SRGAP3: variants seen among roughly 807,000 people sequenced by gnomAD.
SRGAP3 encodes the protein SLIT-ROBO Rho GTPase activating protein 3.
SRGAP3 carries 39 observed loss-of-function variants against 121.1 expected under a neutral mutation model. The observed-to-expected ratio is 0.32, with a 90% CI of 0.25 to 0.42. The LOEUF is 0.42. SRGAP3 is among the 10% of genes least tolerant of loss of function. SRGAP3 has a pLI of 1.00. For missense variants in SRGAP3, 1,213 were observed against 1,470.6 expected (o/e 0.82, Z 2.86); for synonymous variants, 601 against 570.0 (o/e 1.05, Z -0.77).
chr3:9,121,649 T>C (rs116183036), intron 2 of SRGAP3, among the ~76,000 whole-genome samples: 2,950 of 152,314 alleles, frequency 0.019, 46 homozygotes, highest in Non-Finnish European at 0.03. Context: ...CCTCAGTTAA[T>C]GAACCCATGA....
chr3:9,172,468 C>T (rs1446677995), intron 1 of SRGAP3, among the ~76,000 whole-genome samples: 1 of 152,186 alleles, frequency 6.6e-6, no homozygotes, highest in African/African-American at 2.4e-5. Context: ...TCACATTCAC[C>T]TGTACAGGGG....
intron 3 of SRGAP3, among the ~76,000 whole-genome samples, chr3:9,259,427 ACTGAAACACCAGGTGTGAC>A (rs778141099): frequency 5.9e-5 from 9 of 152,032 alleles, no homozygotes; most frequent in Non-Finnish European, 8.8e-5. Flanking sequence ...TACAGATCAT[ACTGAAACACCAGGTGTGAC>A]CTGAAACACC....
In SRGAP3 at chr3:8,981,123, C is replaced by G. The variant is rs1340397438; in HGVS notation, c.*4396G>C. 1 of 233,164 alleles carries G rather than the reference C, an allele frequency of 4.3e-6. No individual in the cohort carries two copies. Among genetic ancestry groups the G allele is most frequent in the African/African-American group, 2.2e-5 (1 of 45,346 alleles). The allele number at this position is 233,164 out of a possible 1,614,324, so 14.4% of individuals were successfully genotyped here. A position where few individuals can be genotyped will look rare whatever the true frequency, so the allele number is the denominator to read the frequency against. On this transcript the variant is annotated 3_prime_UTR_variant, in exon 22 of 22. Transcript: ENST00000383836. ...ACTGGCAGATCAATCTCAGGGAGGTCAGGAGGGCTTGGACCTGACAGCAAA... is the reference window on the plus strand; with the variant it reads ...ACTGGCAGATCAATCTCAGGGAGGTGAGGAGGGCTTGGACCTGACAGCAAA...
At chr3:8,992,717 G>A in intron 20 of SRGAP3, 189 bp downstream of exon 20, 1 of 870,396 alleles carries the variant, frequency 1.1e-6, no homozygotes, top group Non-Finnish European at 1.9e-6. Flanking sequence ...CTGCAACACA[G>A]GCTGGATGGT....
Position 9,099,472 on chromosome 3 carries a change from C to T in SRGAP3, c.423+5208G>A, listed in dbSNP as rs114854782. 4.2e-3 allele frequency among the ~76,000 whole-genome samples: 641 copies of T among 152,304 alleles called. 1 individual carries two copies. The highest frequency in any genetic ancestry group is 6.5e-3 in the Non-Finnish European group (443 of 68,026). On this transcript the variant is annotated intron_variant, in intron 3 of 21. Transcript: ENST00000383836. ...GGGCTTCAATACCCAGTTTCAGAAA[C>T]GGTTAGCGGGGAGCAGGAGAGCAAG...
chr3:9,239,351 G>C lies in SRGAP3; in HGVS notation c.67+9534C>G, dbSNP rs1953542819. Among the ~76,000 whole-genome samples the C allele has an allele frequency of 6.6e-6, 1 of 152,236 alleles. No homozygotes were observed. Among genetic ancestry groups the C allele is most frequent in the Non-Finnish European group, 1.5e-5 (1 of 68,042 alleles). On this transcript the variant is annotated intron_variant, in intron 1 of 21. Coordinates refer to ENST00000383836, the MANE Select transcript of SRGAP3 (RefSeq NM_014850.4). The surrounding 1 kb of genome is among the most constrained non-coding windows in gnomAD (Gnocchi z 4.0). The stretch of plus-strand genomic sequence containing the variant: ...GCCAAGGTTGCACCACTGCATTCCA[G>C]TCTGGGCAACAGAGCAAGACTCTGT...
At chr3:9,294,915 C>G (rs1306635954) in intron 3 of SRGAP3, among the ~76,000 whole-genome samples, 1 of 152,098 alleles carries the variant, frequency 6.6e-6, no homozygotes, top group Non-Finnish European at 1.5e-5. Flanking sequence ...GTTAGTGTTC[C>G]TTCCTGCCCT....
chr3:9,243,354 G>T (rs1019239906), intron 1 of SRGAP3, among the ~76,000 whole-genome samples: 1 of 152,050 alleles, frequency 6.6e-6, no homozygotes, highest in Non-Finnish European at 1.5e-5. Context: ...GGGATTGGTC[G>T]CCAGGCATGG....
chr3:9,046,108 C>A (rs1307938813), intron 10 of SRGAP3, among the ~76,000 whole-genome samples: 1 of 151,100 alleles, frequency 6.6e-6, no homozygotes, highest in Non-Finnish European at 1.5e-5. Flanking sequence ...ACTGAGTCTT[C>A]CCCCCTCCTA....
At chr3:9,038,341 A>G (rs1944864339) in intron 10 of SRGAP3, among the ~76,000 whole-genome samples, 1 of 152,254 alleles carries the variant, frequency 6.6e-6, no homozygotes, top group African/African-American at 2.4e-5. Flanking sequence ...TTCTCAAACT[A>G]CAGCCCGCTG....
chr3:9,143,564 T>G (rs1949930843), intron 1 of SRGAP3, among the ~76,000 whole-genome samples: 1 of 152,198 alleles, frequency 6.6e-6, no homozygotes, highest in Non-Finnish European at 1.5e-5. Flanking sequence ...CATAATAGAA[T>G]ATATAAAAAT....
intron 3 of SRGAP3, among the ~76,000 whole-genome samples, chr3:9,262,218 T>C (rs939802147): frequency 3.2e-4 from 49 of 151,632 alleles, no homozygotes; most frequent in Admixed American, 8.6e-4. Flanking sequence ...AAACACTAAA[T>C]ATGGAAAGGA....
intron 18 of SRGAP3, among the ~76,000 whole-genome samples, chr3:9,010,035 G>A (rs1445732047): frequency 6.6e-6 from 1 of 152,184 alleles, no homozygotes; most frequent in Non-Finnish European, 1.5e-5. Context: ...TTGTACCTGG[G>A]CCAGGCAGGA....
chr3:9,001,142 G>C (rs1489006189), intron 18 of SRGAP3, among the ~76,000 whole-genome samples: 1 of 152,166 alleles, frequency 6.6e-6, no homozygotes, highest in Non-Finnish European at 1.5e-5. Context: ...GAGTTAGTTA[G>C]GATAAATAAG....
At chr3:9,163,545 G>A (rs11720341) in intron 1 of SRGAP3, among the ~76,000 whole-genome samples, 30,660 of 152,086 alleles carry the variant, frequency 0.2, 3,856 homozygotes, top group Admixed American at 0.28. Context: ...TAAGCCATGC[G>A]GCCACTCAGG....
intron 2 of SRGAP3, among the ~76,000 whole-genome samples, chr3:9,122,197 C>T (rs1949031072): frequency 6.6e-6 from 1 of 152,134 alleles, no homozygotes; most frequent in Non-Finnish European, 1.5e-5. Flanking sequence ...GAAATGATTC[C>T]AAAATGTGAG....
chr3:9,259,519 G>C (rs1315695986), intron 3 of SRGAP3, among the ~76,000 whole-genome samples: 2 of 152,128 alleles, frequency 1.3e-5, no homozygotes, highest in African/African-American at 4.8e-5. Context: ...GTATTGCTGA[G>C]GCTGGCCTCA....
At chr3:9,354,681 C>CAAAAA (rs34026081) in intron 1 of SRGAP3, among the ~76,000 whole-genome samples, 16 of 70,700 alleles carry the variant, frequency 2.3e-4, no homozygotes, top group Middle Eastern at 8.2e-3. Flanking sequence ...GACTCCATCT[C>CAAAAA]AAAAAAAAAA....
At chr3:9,125,163 AC>A (rs1161919288) in intron 1 of SRGAP3, among the ~76,000 whole-genome samples, 2 of 151,982 alleles carry the variant, frequency 1.3e-5, no homozygotes, top group Non-Finnish European at 2.9e-5. Context: ...GCATGTCACC[AC>A]CACGATTTTT....
Sources: allele counts gnomAD v4.1 joint callset (sites outside exome capture counted in the v4.1 genomes callset), GRCh38; gene constraint gnomAD v4.1.1; non-coding constraint Gnocchi (gnomAD v3.1); transcripts MANE v1.5; gene names NCBI Gene and HGNC (gene_info 2026-07-23, HGNC 2026-07-21).